The following KCNT2 variants were observed in gnomAD, a reference collection of about 807,000 sequenced individuals.
The protein encoded by KCNT2 is potassium sodium-activated channel subfamily T member 2, also known as potassium channel subfamily T member 2.
In KCNT2, 67 loss-of-function variants were observed where a neutral mutation model predicts 153.8. The observed-to-expected ratio is 0.44, with a 90% CI of 0.36 to 0.53. The LOEUF is 0.53. Ranked by LOEUF, KCNT2 falls within the 20% of genes least tolerant of loss-of-function variation. The probability of loss-of-function intolerance (pLI) is 0.00; values close to 1 mark genes in which losing one functional copy is unlikely to be tolerated. For synonymous variants in KCNT2, 500 were observed against 458.8 expected (o/e 1.09, Z -1.15); for missense variants, 975 against 1,354.8 (o/e 0.72, Z 4.40).
intron 25 of KCNT2, among the ~76,000 whole-genome samples, chr1:196,264,226 A>G (rs1419714989): frequency 6.6e-6 from 1 of 152,146 alleles, no homozygotes; most frequent in African/African-American, 2.4e-5. Flanking sequence ...CCACTTGATG[A>G]CTGCCTGCTC....
chr1:196,500,208 G>A (rs1448294483), intron 1 of KCNT2, among the ~76,000 whole-genome samples: 3 of 137,358 alleles, frequency 2.2e-5, no homozygotes, highest in African/African-American at 8.6e-5. Context: ...AGGAGGGGGA[G>A]AGAGAGAGAG....
intron 14 of KCNT2, among the ~76,000 whole-genome samples, chr1:196,363,534 T>C (rs1667793903): frequency 1.3e-5 from 2 of 152,072 alleles, no homozygotes; most frequent in Admixed American, 1.3e-4. Context: ...TGTTGGGAGG[T>C]GGGGCCTAAT....
intron 22 of KCNT2, among the ~76,000 whole-genome samples, chr1:196,295,955 T>A (rs929017837): frequency 2.6e-5 from 4 of 152,052 alleles, no homozygotes; most frequent in Non-Finnish European, 5.9e-5. Context: ...CAGGAGTGCA[T>A]ATGAATGACT....
At chr1:196,452,246 C>G (rs949762443) in intron 8 of KCNT2, among the ~76,000 whole-genome samples, 1 of 151,964 alleles carries the variant, frequency 6.6e-6, no homozygotes, top group African/African-American at 2.4e-5. Flanking sequence ...TATCACATTA[C>G]CACTTCATTG....
At chr1:196,373,342 C>G in intron 13 of KCNT2, 94 bp from the exon 14 acceptor site, 1 of 665,916 alleles carries the variant, frequency 1.5e-6, no homozygotes, top group Non-Finnish European at 2.7e-6. Flanking sequence ...TGGTAAAAGT[C>G]TCAATATAAA....
At chr1:196,368,291 T>C (rs1187520728) in intron 14 of KCNT2, among the ~76,000 whole-genome samples, 1 of 152,196 alleles carries the variant, frequency 6.6e-6, no homozygotes, top group Admixed American at 6.6e-5. Flanking sequence ...GATCTCATCC[T>C]TTACTCCCTC....
intron 13 of KCNT2, among the ~76,000 whole-genome samples, chr1:196,382,833 C>T (rs1261339377): frequency 6.6e-6 from 1 of 151,808 alleles, no homozygotes; most frequent in Admixed American, 6.6e-5. Flanking sequence ...AAAAACACAA[C>T]GTTAAGGGCC....
intron 12 of KCNT2, among the ~76,000 whole-genome samples, chr1:196,401,166 A>G (rs183417846): frequency 9.9e-5 from 15 of 151,940 alleles, no homozygotes; most frequent in Non-Finnish European, 2.1e-4. Flanking sequence ...ACCAACCTCA[A>G]TGGTGATGGA....
chr1:196,576,528 A>C (rs199809057), intron 1 of KCNT2, among the ~76,000 whole-genome samples: 1 of 152,136 alleles, frequency 6.6e-6, no homozygotes, highest in East Asian at 1.9e-4. Flanking sequence ...CATTATTCTT[A>C]GTGTGTGATT....
intron 8 of KCNT2, among the ~76,000 whole-genome samples, chr1:196,431,967 A>G (rs1421049588): frequency 6.6e-6 from 1 of 152,100 alleles, no homozygotes; most frequent in African/African-American, 2.4e-5. Flanking sequence ...GAGCTCTTCC[A>G]GACTGTCACC....
intron 1 of KCNT2, among the ~76,000 whole-genome samples, chr1:196,540,873 T>G (rs1239450517): frequency 6.6e-6 from 1 of 152,062 alleles, no homozygotes; most frequent in African/African-American, 2.4e-5. Flanking sequence ...GAGACCATCC[T>G]GGCTAACATG....
chr1:196,233,265 A>G (rs1051196317), intron 27 of KCNT2, among the ~76,000 whole-genome samples: 1 of 151,408 alleles, frequency 6.6e-6, no homozygotes, highest in Non-Finnish European at 1.5e-5. Flanking sequence ...TGTTTCCCCA[A>G]TGCTCCTGTA....
chr1:196,536,970 C>G (rs573086169), intron 1 of KCNT2, among the ~76,000 whole-genome samples: 1 of 152,328 alleles, frequency 6.6e-6, no homozygotes, highest in South Asian at 2.1e-4. Context: ...AGCTCAGCTT[C>G]TTTCCATAGT....
At chr1:196,471,202 C>T (rs114716235) in intron 5 of KCNT2, among the ~76,000 whole-genome samples, 1 of 151,964 alleles carries the variant, frequency 6.6e-6, no homozygotes, top group Non-Finnish European at 1.5e-5. Context: ...CCATTGCGCC[C>T]GGCCCCTAAT....
chr1:196,331,132 A>G, intron 18 of KCNT2, 24 bp downstream of exon 18: 1 of 1,228,502 alleles, frequency 8.1e-7, no homozygotes, highest in South Asian at 1.2e-5. Context: ...TTTTGTAAAC[A>G]AAAAAGCATC....
chr1:196,500,734 C>A (rs1435665686), intron 1 of KCNT2, among the ~76,000 whole-genome samples: 1 of 151,982 alleles, frequency 6.6e-6, no homozygotes, highest in African/African-American at 2.4e-5. Context: ...TTCTGTACAC[C>A]AAAGGAAACA....
chr1:196,232,825 A>T (rs1654069813), intron 27 of KCNT2, among the ~76,000 whole-genome samples: 1 of 151,478 alleles, frequency 6.6e-6, no homozygotes, highest in Non-Finnish European at 1.5e-5. Flanking sequence ...TTTTCTTTGA[A>T]CATTCTGTCA....
chr1:196,411,107 T>G (rs1672282345), intron 12 of KCNT2, among the ~76,000 whole-genome samples: 1 of 132,010 alleles, frequency 7.6e-6, no homozygotes, highest in Non-Finnish European at 1.6e-5. Flanking sequence ...CCTTCCTTCC[T>G]TCCTTCCTTC....
At chr1:196,333,336 G>C (rs1438171468) in intron 17 of KCNT2, among the ~76,000 whole-genome samples, 1 of 151,946 alleles carries the variant, frequency 6.6e-6, no homozygotes, top group Admixed American at 6.6e-5. Flanking sequence ...GCCTAGAAAA[G>C]GGAAACAGTA....
Sources: allele counts gnomAD v4.1 joint callset (sites outside exome capture counted in the v4.1 genomes callset), GRCh38; gene constraint gnomAD v4.1.1; transcripts MANE v1.5; gene names NCBI Gene and HGNC (gene_info 2026-07-23, HGNC 2026-07-21).